The following TDG variants were observed in gnomAD, a reference collection of about 807,000 sequenced individuals.
TDG encodes thymine DNA glycosylase, also known as G/T mismatch-specific thymine DNA glycosylase.
In TDG, 23 loss-of-function variants were observed where a neutral mutation model predicts 46.1. The ratio of observed to expected loss-of-function variants is 0.50; its 90% CI spans 0.36 to 0.71. The LOEUF is 0.71. TDG is among the 30% of genes least tolerant of loss of function. The pLI is 0.00. For synonymous variants in TDG, 115 were observed against 161.3 expected (o/e 0.71, Z 2.18); for missense variants, 304 against 486.7 (o/e 0.62, Z 3.53).
chr12:103,981,034 C>A (rs985672767), intron 4 of TDG, 72 bp downstream of exon 4: 1 of 1,364,682 alleles, frequency 7.3e-7, no homozygotes, highest in Non-Finnish European at 1.0e-6. Flanking sequence ...TTCAGAAAAA[C>A]CAATTGTGTT....
At position 103,988,307 on chromosome 12, in the gene TDG, T is replaced by C. The variant is rs1172311138; in HGVS notation, c.*1217T>C. The C allele has an allele frequency of 1.3e-5, 2 of 152,654 alleles. No homozygotes were observed. The highest frequency in any genetic ancestry group is 4.8e-5 in the African/African-American group (2 of 41,486). 9.5% of individuals were successfully genotyped at this position (152,654 alleles called of 1,614,324 possible). A position where few individuals can be genotyped will look rare whatever the true frequency, so the allele number is the denominator to read the frequency against. On this transcript the variant is annotated 3_prime_UTR_variant, in exon 10 of 10. Transcript: ENST00000392872. ...TTTGTCAATCAATATAAAATATTTA[T>C]GAGGTCTCCCCCACCCCCAGGAGGT...
intron 2 of TDG, 139 bp downstream of exon 2, chr12:103,977,199 C>T: frequency 8.4e-7 from 1 of 1,185,126 alleles, no homozygotes; most frequent in Non-Finnish European, 1.2e-6. Flanking sequence ...ATGTGCTAAG[C>T]ACTGATAGGT....
intron 4 of TDG, 95 bp downstream of exon 4, chr12:103,981,057 G>T: frequency 9.1e-7 from 1 of 1,099,048 alleles, no homozygotes; most frequent in Non-Finnish European, 1.3e-6. Context: ...TAAAAAGAAA[G>T]AGACTGTAAA....
intron 4 of TDG, among the ~76,000 whole-genome samples, chr12:103,981,484 C>T (rs562243827): frequency 8.5e-5 from 13 of 152,162 alleles, no homozygotes; most frequent in African/African-American, 3.1e-4. Context: ...ATCTGCCCAC[C>T]TCAGCCTCCC....
At chr12:103,981,085 T>C (rs956896800) in intron 4 of TDG, 123 bp downstream of exon 4, 52 of 777,334 alleles carry the variant, frequency 6.7e-5, no homozygotes, top group Non-Finnish European at 1.0e-4. Flanking sequence ...TCGTGTTTCA[T>C]GTTCTGTGTG....
chr12:103,967,851 CAG>C (rs1227589397), intron 1 of TDG: 2 of 145,774 alleles, frequency 1.4e-5, no homozygotes, highest in South Asian at 2.2e-4. Flanking sequence ...TTTTTTGAGA[CAG>C]AGTTTCACTC....
At chr12:103,976,585 A>G (rs1172860504) in intron 1 of TDG, among the ~76,000 whole-genome samples, 1 of 152,236 alleles carries the variant, frequency 6.6e-6, no homozygotes, top group Non-Finnish European at 1.5e-5. Context: ...GTATGGGTTG[A>G]TAGACCTTTC....
At chr12:103,973,259 G>GT (rs1434817273) in intron 1 of TDG, among the ~76,000 whole-genome samples, 1 of 151,748 alleles carries the variant, frequency 6.6e-6, no homozygotes, top group Non-Finnish European at 1.5e-5. Context: ...CTAATTTTGT[G>GT]TTTTTAGTAG....
intron 2 of TDG, among the ~76,000 whole-genome samples, chr12:103,978,878 A>G (rs10861152): frequency 0.6 from 91,684 of 151,760 alleles, 27,975 homozygotes; most frequent in South Asian, 0.73. Context: ...TGTGCAGTAC[A>G]GCCACCCACA....
intron 1 of TDG, among the ~76,000 whole-genome samples, chr12:103,975,902 T>G (rs1871513952): frequency 6.6e-6 from 1 of 151,046 alleles, no homozygotes; most frequent in African/African-American, 2.4e-5. Flanking sequence ...CCTCAGGTGA[T>G]CTACCCTCCT....
intron 1 of TDG, among the ~76,000 whole-genome samples, chr12:103,969,446 C>T (rs189261348): frequency 1.2e-4 from 18 of 152,346 alleles, no homozygotes; most frequent in African/African-American, 4.1e-4. Flanking sequence ...GAGGTCTGTA[C>T]TTATATGCCA....
intron 1 of TDG, among the ~76,000 whole-genome samples, chr12:103,969,584 G>C (rs1871203614): frequency 6.6e-6 from 1 of 152,212 alleles, no homozygotes; most frequent in Non-Finnish European, 1.5e-5. Flanking sequence ...GATTTAATCA[G>C]AGTCCAGATA....
At chr12:103,986,577 T>C (rs1872165507) in intron 9 of TDG, 1 of 157,640 alleles carries the variant, frequency 6.3e-6, no homozygotes, top group East Asian at 1.8e-4. Context: ...TAATCCTAGC[T>C]ACTTGGGAGG....
At chr12:103,981,454 C>T (rs1056531652) in intron 4 of TDG, among the ~76,000 whole-genome samples, 2 of 151,790 alleles carry the variant, frequency 1.3e-5, no homozygotes, top group Non-Finnish European at 1.5e-5. Context: ...AGGCTGGTCT[C>T]GAACTCCCGG....
chr12:103,967,746 C>G (rs894970154), intron 1 of TDG: 2 of 151,484 alleles, frequency 1.3e-5, no homozygotes, highest in African/African-American at 2.4e-5. Flanking sequence ...TGTGAGCCAC[C>G]GGGCCCAGCC....
At chr12:103,975,664 A>AT (rs971556443) in intron 1 of TDG, among the ~76,000 whole-genome samples, 51 of 148,282 alleles carry the variant, frequency 3.4e-4, no homozygotes, top group East Asian at 1.6e-3. Context: ...CCTAATCACC[A>AT]TTTTTTTTTT....
chr12:103,972,137 TAGAC>T (rs1871313489), intron 1 of TDG, among the ~76,000 whole-genome samples: 1 of 152,032 alleles, frequency 6.6e-6, no homozygotes, highest in Non-Finnish European at 1.5e-5. Flanking sequence ...CTTTTTTTTT[TAGAC>T]AGAGTCTTGC....
Position 103,983,118 on chromosome 12 carries a change from T to G in TDG, c.615-18T>G, listed in dbSNP as rs1203104057. The stretch of plus-strand genomic sequence containing the variant: ...TTGTCATATTTATATTTTTGACTAC[T>G]TTTTAATTCAATTTTAGTAAAGAAT... On this transcript the variant is annotated intron_variant, in intron 5 of 9. Coordinates refer to ENST00000392872, the MANE Select transcript of TDG (RefSeq NM_003211.6). 1.3e-6 allele frequency: 2 copies of G among 1,568,140 alleles called. No individual in the cohort carries two copies. The highest frequency in any genetic ancestry group is 2.4e-5 in the South Asian group (2 of 83,256).
At chr12:103,979,095 T>TTTC (rs139289114) in intron 2 of TDG, among the ~76,000 whole-genome samples, 5,319 of 93,288 alleles carry the variant, frequency 0.057, 356 homozygotes, top group African/African-American at 0.19. Flanking sequence ...CCATTGTGTT[T>TTTC]TTCTTTTTTC....
Sources: gnomAD v4.1 joint callset for allele counts (sites outside exome capture counted in the v4.1 genomes callset) on GRCh38, gnomAD v4.1.1 for gene constraint, MANE v1.5 for transcripts, NCBI Gene and HGNC (gene_info 2026-07-23, HGNC 2026-07-21) for gene names.